CTNND2: variants seen among roughly 807,000 people sequenced by gnomAD.
The protein encoded by CTNND2 is catenin delta-2.
Under a neutral mutation model 144.4 loss-of-function variants are expected in CTNND2, and 22 were observed. The ratio of observed to expected loss-of-function variants is 0.15; its 90% CI spans 0.11 to 0.22. The LOEUF is 0.22. Among genes scored for constraint, CTNND2 ranks in the 10% least tolerant of loss-of-function variants. The pLI is 1.00. For synonymous variants in CTNND2, 751 were observed against 695.6 expected, an observed-to-expected ratio of 1.08 and a Z score of -1.25; for missense variants, 1,353 against 1,618.8, an observed-to-expected ratio of 0.84 and a Z score of 2.82.
rs562839045 is a variant in CTNND2 at position 11,396,775 on chromosome 5, CAT to C, written c.612+254_612+255del. Among the ~76,000 whole-genome samples, 344 of 152,212 alleles carry C rather than the reference CAT, an allele frequency of 2.3e-3. 1 individual carries two copies. The highest frequency in any genetic ancestry group is 4.1e-3 in the Non-Finnish European group (280 of 68,006). On this transcript the variant is annotated intron_variant, in intron 6 of 21. Transcript: ENST00000304623. Reference sequence around the variant, plus strand: ...ACACTGACATAGTCACACAGGGAAACATATATAAGACAGGTATAGCGTGAACA... The same window carrying C: ...ACACTGACATAGTCACACAGGGAAACATATAAGACAGGTATAGCGTGAACA...
At chr5:11,570,644 T>C (rs533904366) in intron 2 of CTNND2, among the ~76,000 whole-genome samples, 1 of 151,964 alleles carries the variant, frequency 6.6e-6, no homozygotes, top group South Asian at 2.1e-4. Context: ...TTTTCTTTTT[T>C]CTTTTTTTTT....
chr5:11,000,885 G>C (rs1422651733), intron 18 of CTNND2, among the ~76,000 whole-genome samples: 1 of 152,152 alleles, frequency 6.6e-6, no homozygotes, highest in African/African-American at 2.4e-5. Flanking sequence ...ATTTTCAAAA[G>C]CTCCACTCCT....
chr5:11,725,414 G>A (rs547778064), intron 2 of CTNND2, among the ~76,000 whole-genome samples: 3 of 152,128 alleles, frequency 2.0e-5, no homozygotes, highest in Non-Finnish European at 2.9e-5. Context: ...TAAATATATT[G>A]CAGATCAAAT....
At chr5:11,699,616 G>A (rs542401585) in intron 2 of CTNND2, among the ~76,000 whole-genome samples, 54 of 152,256 alleles carry the variant, frequency 3.5e-4, no homozygotes, top group Middle Eastern at 6.8e-3. Context: ...GGGCCGAGAT[G>A]AAAGGAATAT....
chr5:11,016,115 AC>A (rs1346486825), intron 18 of CTNND2, among the ~76,000 whole-genome samples: 2 of 152,204 alleles, frequency 1.3e-5, no homozygotes, highest in Non-Finnish European at 2.9e-5. Context: ...GAGATGCAAA[AC>A]CCATGTATAA....
intron 9 of CTNND2, among the ~76,000 whole-genome samples, chr5:11,310,591 A>T (rs553132308): frequency 1.3e-5 from 2 of 151,830 alleles, no homozygotes; most frequent in Admixed American, 6.6e-5. Context: ...CTTTACCTTC[A>T]AAAACAAAGG....
chr5:11,000,012 T>G (rs1343920124), intron 18 of CTNND2, among the ~76,000 whole-genome samples: 1 of 152,246 alleles, frequency 6.6e-6, no homozygotes, highest in East Asian at 1.9e-4. Context: ...GTCAGTCTGT[T>G]TAGTTGATAC....
intron 1 of CTNND2, among the ~76,000 whole-genome samples, chr5:11,814,947 T>A (rs1407711575): frequency 6.6e-6 from 1 of 152,248 alleles, no homozygotes; most frequent in Non-Finnish European, 1.5e-5. Flanking sequence ...TAGTTTCATA[T>A]TTTAGTAGTA....
At chr5:11,533,681 G>T (rs1025855237) in intron 3 of CTNND2, among the ~76,000 whole-genome samples, 1 of 152,182 alleles carries the variant, frequency 6.6e-6, no homozygotes, top group African/African-American at 2.4e-5. Flanking sequence ...CTGGCTTCAT[G>T]GAAGCACCAA....
chr5:11,241,893 G>A (rs113213143), intron 9 of CTNND2, among the ~76,000 whole-genome samples: 3,020 of 152,214 alleles, frequency 0.02, 55 homozygotes, highest in Middle Eastern at 0.061. Flanking sequence ...TACCAGAGGA[G>A]GGAACAGCAC....
chr5:11,022,756 C>G lies in CTNND2; in HGVS notation c.2999+13G>C. 1.2e-6 allele frequency: 2 copies of G among 1,609,080 alleles called. No individual in the cohort carries two copies. Among genetic ancestry groups the G allele is most frequent in the Non-Finnish European group, 1.7e-6 (2 of 1,176,154 alleles). On this transcript the variant is annotated intron_variant, in intron 17 of 21. Transcript: ENST00000304623. ...TTACCAGGACAGAGATATGGCGTCACCAGGTAACTTACTTATCTCCTTTGC... is the reference window on the plus strand; with the variant it reads ...TTACCAGGACAGAGATATGGCGTCAGCAGGTAACTTACTTATCTCCTTTGC...
At chr5:11,428,531 A>G (rs1408620399) in intron 3 of CTNND2, among the ~76,000 whole-genome samples, 1 of 152,156 alleles carries the variant, frequency 6.6e-6, no homozygotes. Context: ...TTTGTTTTTC[A>G]GCATTTGTCT....
At position 11,144,326 on chromosome 5, in the gene CTNND2, C is replaced by T. The variant is rs369700874; in HGVS notation, c.2159+15250G>A. Among the ~76,000 whole-genome samples the T allele has an allele frequency of 9.9e-5, 15 of 152,258 alleles. No homozygotes were observed. In the East Asian group the frequency reaches 1.2e-3, roughly 12 times the overall value. On this transcript the variant is annotated intron_variant, in intron 12 of 21. Transcript: ENST00000304623. Reference sequence around the variant, plus strand: ...TATTGGGCCCCTCAGTCCTAAAATACGGATTTTAAGGAGGCATCAAGGAGG... The same window carrying T: ...TATTGGGCCCCTCAGTCCTAAAATATGGATTTTAAGGAGGCATCAAGGAGG...
chr5:11,128,522 G>T (rs545908928), intron 12 of CTNND2, among the ~76,000 whole-genome samples: 2 of 150,646 alleles, frequency 1.3e-5, no homozygotes, highest in African/African-American at 4.9e-5. Context: ...ATTTGTTACA[G>T]CAGCAAGAGG....
intron 18 of CTNND2, among the ~76,000 whole-genome samples, chr5:10,998,185 G>C (rs1330613308): frequency 6.6e-6 from 1 of 152,144 alleles, no homozygotes; most frequent in African/African-American, 2.4e-5. Context: ...GTGTGGTCCT[G>C]CAGGTAACTT....
At chr5:11,746,006 A>C (rs555972088) in intron 1 of CTNND2, among the ~76,000 whole-genome samples, 7 of 152,292 alleles carry the variant, frequency 4.6e-5, no homozygotes, top group Admixed American at 3.3e-4. Context: ...CCACTAAATT[A>C]ATGGATACAA....
At chr5:11,541,239 T>C (rs1652288144) in intron 3 of CTNND2, among the ~76,000 whole-genome samples, 2 of 152,182 alleles carry the variant, frequency 1.3e-5, no homozygotes, top group African/African-American at 4.8e-5. Flanking sequence ...GATAAGTGTT[T>C]CAGAAAGCTT....
intron 7 of CTNND2, among the ~76,000 whole-genome samples, chr5:11,376,668 T>A (rs971505441): frequency 1.3e-5 from 2 of 152,172 alleles, no homozygotes; most frequent in Admixed American, 6.5e-5. Context: ...CTATCTAATG[T>A]AAACCAGCAT....
intron 3 of CTNND2, among the ~76,000 whole-genome samples, chr5:11,419,037 TATATA>T (rs1762140150): frequency 4.2e-5 from 6 of 141,290 alleles, no homozygotes; most frequent in Non-Finnish European, 9.1e-5. Flanking sequence ...TATATATAGA[TATATA>T]GATAGACATC....
Sources: allele counts gnomAD v4.1 joint callset (sites outside exome capture counted in the v4.1 genomes callset), GRCh38; gene constraint gnomAD v4.1.1; transcripts MANE v1.5; gene names NCBI Gene and HGNC (gene_info 2026-07-23, HGNC 2026-07-21).